The following UPRT variants were observed in gnomAD, a reference collection of about 807,000 sequenced individuals.
The protein encoded by UPRT is RP11-311P8.3.
UPRT carries 5 observed loss-of-function variants against 22.6 expected under a neutral mutation model. That is an observed-to-expected ratio of 0.22 (90% CI 0.12 to 0.47). UPRT has a LOEUF of 0.47. Ranked by LOEUF, UPRT falls within the 20% of genes least tolerant of loss-of-function variation. The probability of loss-of-function intolerance (pLI) is 0.99; values close to 1 mark genes in which losing one functional copy is unlikely to be tolerated. For synonymous variants in UPRT, 77 were observed against 87.7 expected, an observed-to-expected ratio of 0.88 and a Z score of 0.68; for missense variants, 181 against 239.9, an observed-to-expected ratio of 0.75 and a Z score of 1.62.
At chrX:75,289,634 A>C (rs1182222389) in intron 1 of UPRT, among the ~76,000 whole-genome samples, 1 of 111,401 alleles carries the variant, frequency 9.0e-6, no homozygotes, top group Non-Finnish European at 1.9e-5. Context: ...AGAACAGAGT[A>C]GAGAACCCAG....
chrX:75,280,124 G>GTT (rs1012182932), intron 1 of UPRT, among the ~76,000 whole-genome samples: 2 of 100,162 alleles, frequency 2.0e-5, no homozygotes, highest in Admixed American at 2.1e-4. Flanking sequence ...GGGATTGTTT[G>GTT]TTTTTTTTTT....
chrX:75,196,714 G>T (rs1187472269), intron 4 of UPRT, among the ~76,000 whole-genome samples: 3 of 111,394 alleles, frequency 2.7e-5, no homozygotes, highest in Non-Finnish European at 5.6e-5. Flanking sequence ...GGGCACAGTG[G>T]CACGTGCTTA....
chrX:75,274,190 C>A lies in UPRT; in HGVS notation c.-65C>A. On this transcript the variant is annotated 5_prime_UTR_variant, in exon 1 of 7. Coordinates refer to ENST00000373383, the MANE Select transcript of UPRT (RefSeq NM_145052.4). ...CCGAGAGAGCACGTGAGCATCTGTCCTTTCTACCCGTTCCTCTTTATCTTT... is the reference window on the plus strand; with the variant it reads ...CCGAGAGAGCACGTGAGCATCTGTCATTTCTACCCGTTCCTCTTTATCTTT... 8.7e-7 allele frequency: 1 copy of A among 1,149,734 alleles called. No homozygotes were observed. The highest frequency in any genetic ancestry group is 1.2e-6 in the Non-Finnish European group (1 of 863,896). 94.8% of individuals were successfully genotyped at this position (1,149,734 alleles called of 1,213,427 possible). A position where few individuals can be genotyped will look rare whatever the true frequency, so the allele number is the denominator to read the frequency against.
chrX:75,187,678 G>A (rs1450532969), intron 4 of UPRT, among the ~76,000 whole-genome samples: 7 of 111,749 alleles, frequency 6.3e-5, no homozygotes, highest in Non-Finnish European at 9.4e-5. Flanking sequence ...TGTAGATTTG[G>A]TCTTTTCACA....
intron 4 of UPRT, among the ~76,000 whole-genome samples, chrX:75,262,527 T>C (rs1012818320): frequency 9.0e-6 from 1 of 111,418 alleles, no homozygotes; most frequent in African/African-American, 3.3e-5. Context: ...GTGTGCTGTA[T>C]TCAGAAGACC....
chrX:75,184,316 C>A (rs2082281539), intron 4 of UPRT, among the ~76,000 whole-genome samples: 1 of 111,640 alleles, frequency 9.0e-6, no homozygotes, highest in Admixed American at 9.5e-5. Context: ...TCAGGTTTGT[C>A]AAAGACCAGA....
intron 4 of UPRT, among the ~76,000 whole-genome samples, chrX:75,260,121 A>C (rs1214227574): frequency 8.9e-6 from 1 of 112,258 alleles, no homozygotes; most frequent in Admixed American, 9.5e-5. Context: ...CAACATGAAA[A>C]GAAACAACGG....
chrX:75,261,256 A>G (rs1222479067), intron 4 of UPRT, among the ~76,000 whole-genome samples: 1 of 111,631 alleles, frequency 9.0e-6, no homozygotes, highest in Non-Finnish European at 1.9e-5. Context: ...CTAAGATCAG[A>G]GCAGAACTGA....
At chrX:75,156,478 C>A in exon 1 of UPRT, 1 of 489,666 alleles carries the variant, frequency 2.0e-6, no homozygotes, top group Non-Finnish European at 3.5e-6. Flanking sequence ...CTTACACAAC[C>A]GGGAATATTG....
At chrX:75,265,413 A>C (rs1271317207) in intron 4 of UPRT, among the ~76,000 whole-genome samples, 1 of 110,780 alleles carries the variant, frequency 9.0e-6, no homozygotes, top group African/African-American at 3.3e-5. Flanking sequence ...TTCTCTTCTC[A>C]CTTCATTTCA....
intron 5 of UPRT, among the ~76,000 whole-genome samples, chrX:75,300,348 A>G (rs1569286336): frequency 8.9e-6 from 1 of 111,791 alleles, no homozygotes; most frequent in African/African-American, 3.3e-5. Flanking sequence ...TTGATACCTC[A>G]TATACTAAAT....
intron 4 of UPRT, among the ~76,000 whole-genome samples, chrX:75,222,147 G>T (rs2082411966): frequency 8.9e-6 from 1 of 112,077 alleles, no homozygotes; most frequent in Non-Finnish European, 1.9e-5. Flanking sequence ...ACCAGGCAGA[G>T]ACTCTTATTC....
chrX:75,205,371 G>A (rs1480759914), intron 4 of UPRT, among the ~76,000 whole-genome samples: 2 of 79,758 alleles, frequency 2.5e-5, no homozygotes, highest in Admixed American at 1.7e-4. Context: ...GCGACAGAGC[G>A]AGACTCCGTC....
At chrX:75,197,483 T>C (rs1183645964) in intron 4 of UPRT, among the ~76,000 whole-genome samples, 2 of 112,033 alleles carry the variant, frequency 1.8e-5, no homozygotes, top group Non-Finnish European at 3.8e-5. Flanking sequence ...TTACAATGTT[T>C]AAAAAATAAA....
chrX:75,249,189 A>C (rs1365034300), intron 4 of UPRT, among the ~76,000 whole-genome samples: 117 of 111,711 alleles, frequency 1.0e-3, no homozygotes, highest in Non-Finnish European at 2.1e-3. Context: ...TAATGACAGG[A>C]TCAAATTCAC....
intron 4 of UPRT, among the ~76,000 whole-genome samples, chrX:75,254,088 A>C (rs1402056317): frequency 9.0e-6 from 1 of 111,467 alleles, no homozygotes; most frequent in Non-Finnish European, 1.9e-5. Flanking sequence ...GAGGCTGTGA[A>C]TCTGGTGTGT....
chrX:75,235,452 A>C (rs765815747), intron 4 of UPRT, among the ~76,000 whole-genome samples: 11 of 111,974 alleles, frequency 9.8e-5, no homozygotes, highest in Non-Finnish European at 1.7e-4. Context: ...CCAGCATCAT[A>C]CTGATACCAA....
At chrX:75,283,581 G>T in intron 1 of UPRT, among the ~76,000 whole-genome samples, 2 of 111,307 alleles carry the variant, frequency 1.8e-5, no homozygotes, top group South Asian at 7.6e-4. Context: ...AAAATTCTTG[G>T]CTGATTTTTT....
chrX:75,181,720 G>T (rs1230165291), intron 4 of UPRT, among the ~76,000 whole-genome samples: 4 of 111,926 alleles, frequency 3.6e-5, no homozygotes, highest in Admixed American at 9.5e-5. Context: ...TGCTGAAGTT[G>T]TATATCAGAT....
Sources: allele counts gnomAD v4.1 joint callset (sites outside exome capture counted in the v4.1 genomes callset), GRCh38; gene constraint gnomAD v4.1.1; transcripts MANE v1.5; gene names NCBI Gene and HGNC (gene_info 2026-07-23, HGNC 2026-07-21).